The following CITED2 variants were observed in gnomAD, a reference collection of about 807,000 sequenced individuals.
CITED2 encodes the protein cbp/p300-interacting transactivator 2.
Under a neutral mutation model 11.8 loss-of-function variants are expected in CITED2, and 2 were observed. That is an observed-to-expected ratio of 0.17 (90% CI 0.07 to 0.54). The LOEUF (loss-of-function observed/expected upper bound fraction) is 0.54. Among genes scored for constraint, CITED2 ranks in the 20% least tolerant of loss-of-function variants. CITED2 has a pLI of 0.94. For synonymous variants in CITED2, 210 were observed against 153.0 expected, an observed-to-expected ratio of 1.37 and a Z score of -2.75; for missense variants, 437 against 390.2, an observed-to-expected ratio of 1.12 and a Z score of -1.01.
chr6:139,373,975 A>C, intron 1 of CITED2, 23 bp from the exon 2 acceptor site: 1 of 1,583,168 alleles, frequency 6.3e-7, no homozygotes, highest in South Asian at 1.1e-5. Flanking sequence ...AGGGCAGATA[A>C]TGAGACCCGC....
rs998424430 is a variant in CITED2, at chr6:139,372,875, C to A, written c.*257G>T. On this transcript the variant is annotated 3_prime_UTR_variant, in exon 2 of 2. Transcript: ENST00000367651. ...AGTAAAAACAAACAACGAAAAAGAC[C>A]AAGTTAGCTAGATATTTCAACTACA... is the stretch of plus-strand genomic sequence containing the variant. 141 of 527,486 alleles carry A rather than the reference C, an allele frequency of 2.7e-4. 1 individual carries two copies. The highest frequency in any genetic ancestry group is 4.2e-4 in the Non-Finnish European group (122 of 292,870). The allele number at this position is 527,486 out of a possible 1,614,324, so 32.7% of individuals were successfully genotyped here.
chr6:139,374,381 G>A (rs1010573584), intron 1 of CITED2, 32 bp downstream of exon 1: 3 of 498,374 alleles, frequency 6.0e-6, no homozygotes, highest in Admixed American at 3.6e-5. Flanking sequence ...GGGCTGGCAA[G>A]AGCCCCAGCC....
intron 1 of CITED2, chr6:139,374,208 C>T (rs768863177): frequency 7.0e-7 from 1 of 1,434,198 alleles, no homozygotes; most frequent in Non-Finnish European, 9.1e-7. Flanking sequence ...GCCCACACCC[C>T]CTTTGCTCCC....
chr6:139,372,749 T>A lies in CITED2; in HGVS notation c.*383A>T, dbSNP rs369754940. 4.0e-6 allele frequency: 1 copy of A among 252,710 alleles called. No homozygotes were observed. The highest frequency in any genetic ancestry group is 2.2e-5 in the African/African-American group (1 of 45,456). The allele number at this position is 252,710 out of a possible 1,614,324, so 15.7% of individuals were successfully genotyped here. A position where few individuals can be genotyped will look rare whatever the true frequency, so the allele number is the denominator to read the frequency against. The stretch of plus-strand genomic sequence containing the variant: ...TTTTCCTTTCACTCGTAAATCTGAA[T>A]GCAGTTCAGTCATTTGAAACCATCT... On this transcript the variant is annotated 3_prime_UTR_variant, in exon 2 of 2. Coordinates refer to ENST00000367651, the MANE Select transcript of CITED2 (RefSeq NM_006079.5).
Position 139,373,993 on chromosome 6 carries a change from G to GT in CITED2, c.-8-42dup, listed in dbSNP as rs1458882625. The GT allele has an allele frequency of 2.6e-6, 4 of 1,565,698 alleles. No individual in the cohort carries two copies. The African/African-American group carries it at 5.4e-5, about 21-fold the overall frequency. On this transcript the variant is annotated intron_variant, in intron 1 of 1. Coordinates refer to ENST00000367651, the MANE Select transcript of CITED2 (RefSeq NM_006079.5). Reference sequence around the variant, plus strand: ...GCAGATAATGAGACCCGCGCCACACGTGTCGCCCACCACAGCGCACCCCAC... The same window carrying GT: ...GCAGATAATGAGACCCGCGCCACACGTTGTCGCCCACCACAGCGCACCCCAC...
At position 139,373,437 on chromosome 6, in the gene CITED2, A is replaced by G. The variant is rs1739321770; in HGVS notation, c.508T>C (p.Ser170Pro). The change falls in exon 2 of 2, where the codon TCG becomes CCG. Residue 170 changes from serine to proline, a missense_variant. Physicochemically the swap from Ser to Pro is moderately conservative, Grantham distance 74. Coordinates refer to ENST00000367651, the MANE Select transcript of CITED2 (RefSeq NM_006079.5). ...HSGGSSTPGG[S>P]GGSSTPGGSG... Reference sequence around the variant, plus strand: ...CCGCCGGGGGTGCTGCTGCCGCCCGAGCCGCCGGGGGTGCTGCTGCCGCCG... The same window carrying G: ...CCGCCGGGGGTGCTGCTGCCGCCCGGGCCGCCGGGGGTGCTGCTGCCGCCG... The G allele has an allele frequency of 2.0e-6, 3 of 1,518,498 alleles. No individual in the cohort carries two copies. Among genetic ancestry groups the G allele is most frequent in the Non-Finnish European group, 2.6e-6 (3 of 1,137,442 alleles). The allele number at this position is 1,518,498 out of a possible 1,614,324, so 94.1% of individuals were successfully genotyped here.
At chr6:139,374,352 AC>A (rs1778333558) in intron 1 of CITED2, 60 bp downstream of exon 1, 1 of 573,884 alleles carries the variant, frequency 1.7e-6, no homozygotes, top group Admixed American at 3.5e-5. Context: ...CTCCGGGCAA[AC>A]CCTGCCCTCG....
chr6:139,373,799 T>C lies in CITED2; in HGVS notation c.146A>G (p.Asn49Ser), dbSNP rs576999385. 7.5e-6 allele frequency: 12 copies of C among 1,609,814 alleles called. 1 individual carries two copies. In the Admixed American group the frequency reaches 1.3e-4, roughly 18 times the overall value. The change falls in exon 2 of 2, where the codon AAC (asparagine) becomes AGC (serine). Residue 49 changes from asparagine to serine, a missense_variant. Around this residue, in one of 3 missense-constraint regions of CITED2, gnomAD observed 396 missense variants for 325.2 expected, o/e 1.22. Transcript: ENST00000367651. The stretch of plus-strand genomic sequence containing the variant: ...GTGTATGTGCTCGCCCATTAGGGCG[T>C]TGAAGGCGTGCTGGGGCTGCTGCTG... ...HQQQQPQHAF[N>S]ALMGEHIHYG...
Position 139,372,219 on chromosome 6 carries a change from G to A in CITED2, c.*913C>T, listed in dbSNP as rs1439490197. ...AGACGGGGGGAAAAAAGCCACCAAAGGGAACAACCACCCCCAAATGACTTC... is the reference window on the plus strand; with the variant it reads ...AGACGGGGGGAAAAAAGCCACCAAAAGGAACAACCACCCCCAAATGACTTC... On this transcript the variant is annotated 3_prime_UTR_variant, in exon 2 of 2. Transcript: ENST00000367651. 1.3e-5 allele frequency: 2 copies of A among 152,336 alleles called. No homozygotes were observed. The highest frequency in any genetic ancestry group is 2.4e-5 in the African/African-American group (1 of 41,392). 9.4% of individuals were successfully genotyped at this position (152,336 alleles called of 1,614,324 possible).
rs1778246696 is a variant in CITED2 at position 139,371,840 on chromosome 6, A to G, written c.*1292T>C. On this transcript the variant is annotated 3_prime_UTR_variant, in exon 2 of 2. Coordinates refer to ENST00000367651, the MANE Select transcript of CITED2 (RefSeq NM_006079.5). ...GATTTATATTTAATGCCACCCATCA[A>G]TCAATCAGTGTATTATTCCAATCTA... 6.6e-6 allele frequency: 1 copy of G among 152,214 alleles called. No individual in the cohort carries two copies. The allele number at this position is 152,214 out of a possible 1,614,324, so 9.4% of individuals were successfully genotyped here.
At position 139,374,495 on chromosome 6, in the gene CITED2, C is replaced by T. The variant is rs41289825; in HGVS notation, c.-91G>A. The T allele has an allele frequency of 7.0e-3, 1,815 of 260,926 alleles. 11 individuals carry two copies. Among genetic ancestry groups the T allele is most frequent in the Non-Finnish European group, 0.011 (1,437 of 136,734 alleles). The allele number at this position is 260,926 out of a possible 1,614,324, so 16.2% of individuals were successfully genotyped here. ...CCGGCTCAGCAGCACATAGAGGGGA[C>T]CTTCCTGGCGTGCAAAGCGCTTCGC... is the stretch of plus-strand genomic sequence containing the variant. On this transcript the variant is annotated 5_prime_UTR_variant, in exon 1 of 2. Coordinates refer to ENST00000367651, the MANE Select transcript of CITED2 (RefSeq NM_006079.5).
In CITED2 at chr6:139,373,955, G is replaced by A. The variant is rs530905916; in HGVS notation, c.-8-3C>T. On this transcript the variant is annotated splice_polypyrimidine_tract_variant and splice_region_variant and intron_variant, in intron 1 of 1. Coordinates refer to ENST00000367651, the MANE Select transcript of CITED2 (RefSeq NM_006079.5). ...CATATGGTCTGCCATTTCCAGTCCTGGAAGTGAAAAGGGCAGATAATGAGA... is the reference window on the plus strand; with the variant it reads ...CATATGGTCTGCCATTTCCAGTCCTAGAAGTGAAAAGGGCAGATAATGAGA... The A allele has an allele frequency of 1.0e-5, 16 of 1,597,010 alleles. No individual in the cohort carries two copies. In the East Asian group the frequency reaches 1.6e-4, roughly 16 times the overall value.
At position 139,373,094 on chromosome 6, in the gene CITED2, T is replaced by G. The variant is rs781350523; in HGVS notation, c.*38A>C. On this transcript the variant is annotated 3_prime_UTR_variant, in exon 2 of 2. Coordinates refer to ENST00000367651, the MANE Select transcript of CITED2 (RefSeq NM_006079.5). ...TTTCTTTTAATTCACGCCGAAGAAG[T>G]TGGGGGTTTGATTTCTTTCGCCGGG... The G allele has an allele frequency of 3.1e-5, 48 of 1,565,120 alleles. No homozygotes were observed. Among genetic ancestry groups the G allele is most frequent in the Non-Finnish European group, 4.0e-5 (45 of 1,135,708 alleles).
rs1410711816 is a variant in CITED2 at position 139,374,074 on chromosome 6, A to C, written c.-8-122T>G. On this transcript the variant is annotated intron_variant, in intron 1 of 1. Transcript: ENST00000367651. ...GGGCGCACGTCGGCTGCGAACCACC[A>C]CCCCCAAGATCCCACTAACAGCCTG... is the stretch of plus-strand genomic sequence containing the variant. 1,426 of 1,521,460 alleles carry C rather than the reference A, an allele frequency of 9.4e-4. 19 individuals carry two copies. The South Asian group carries it at 0.016, about 17-fold the overall frequency. The allele number at this position is 1,521,460 out of a possible 1,614,324, so 94.2% of individuals were successfully genotyped here. A position where few individuals can be genotyped will look rare whatever the true frequency, so the allele number is the denominator to read the frequency against.
In CITED2 at chr6:139,372,069, TAAC is replaced by T. The variant is rs1043109813; in HGVS notation, c.*1060_*1062del. The T allele has an allele frequency of 1.3e-5, 2 of 151,968 alleles. No individual in the cohort carries two copies. Among genetic ancestry groups the T allele is most frequent in the African/African-American group, 4.8e-5 (2 of 41,386 alleles). 9.4% of individuals were successfully genotyped at this position (151,968 alleles called of 1,614,324 possible). On this transcript the variant is annotated 3_prime_UTR_variant, in exon 2 of 2. Transcript: ENST00000367651. The stretch of plus-strand genomic sequence containing the variant: ...CACACCAAGAGGCATGTTACAATGA[TAAC>T]AATGAAGCATTATGCCAATTATGTT...
In CITED2 at chr6:139,372,425, T is replaced by G. The variant is rs1287135347; in HGVS notation, c.*707A>C. On this transcript the variant is annotated 3_prime_UTR_variant, in exon 2 of 2. Transcript: ENST00000367651. ...ATAACTATTAGCACAGTGTCAAAAA[T>G]GTTGAAGACAGAAACAAAATAAAAA... is the stretch of plus-strand genomic sequence containing the variant. 2.1e-5 allele frequency: 3 copies of G among 141,892 alleles called. No homozygotes were observed. In the South Asian group the frequency reaches 6.2e-4, roughly 29 times the overall value. 8.8% of individuals were successfully genotyped at this position (141,892 alleles called of 1,614,324 possible).
rs534681734 is a variant in CITED2, at chr6:139,373,721, G to T, written c.224C>A (p.Pro75Gln). Residue 75 changes from proline (P) to glutamine (Q), a missense_variant, in exon 2 of 2, where the codon CCG becomes CAG. Pro to Gln is a moderately conservative substitution (Grantham distance 76). Around this residue, in one of 3 missense-constraint regions of CITED2, gnomAD observed 396 missense variants for 325.2 expected, o/e 1.22. Transcript: ENST00000367651. Reference protein sequence around the residue: ...ATSGIRHAMGPGTVNGGHPPS... With the variant: ...ATSGIRHAMGQGTVNGGHPPS... ...GGGGTGCCCTCCGTTCACAGTCCCC[G>T]GCCCCATCGCATGCCTGATGCCGCT... 1 of 1,610,922 alleles carries T rather than the reference G, an allele frequency of 6.2e-7. No homozygotes were observed. The highest frequency in any genetic ancestry group is 1.3e-5 in the African/African-American group (1 of 74,992).
In CITED2 at chr6:139,373,012, T is replaced by G. The variant is rs1329648510; in HGVS notation, c.*120A>C. ...GTACAAGTTTATAGTTTACTTTGTTTCCAAGTTCTCAAACCTTTCAAGATC... is the reference window on the plus strand; with the variant it reads ...GTACAAGTTTATAGTTTACTTTGTTGCCAAGTTCTCAAACCTTTCAAGATC... On this transcript the variant is annotated 3_prime_UTR_variant, in exon 2 of 2. Coordinates refer to ENST00000367651, the MANE Select transcript of CITED2 (RefSeq NM_006079.5). 2 of 1,057,342 alleles carry G rather than the reference T, an allele frequency of 1.9e-6. No homozygotes were observed. Among genetic ancestry groups the G allele is most frequent in the African/African-American group, 3.1e-5 (2 of 64,030 alleles). The allele number at this position is 1,057,342 out of a possible 1,614,324, so 65.5% of individuals were successfully genotyped here.
chr6:139,373,069 TTTC>T lies in CITED2; in HGVS notation c.*60_*62del, dbSNP rs1778284017. The T allele has an allele frequency of 6.2e-6, 9 of 1,457,110 alleles. No homozygotes were observed. Among genetic ancestry groups the T allele is most frequent in the Non-Finnish European group, 8.7e-6 (9 of 1,037,918 alleles). The allele number at this position is 1,457,110 out of a possible 1,614,324, so 90.3% of individuals were successfully genotyped here. On this transcript the variant is annotated 3_prime_UTR_variant, in exon 2 of 2. Transcript: ENST00000367651. Reference sequence around the variant, plus strand: ...GTGAGATACTGTGTCTAAGGGAATGTTTCTTTTAATTCACGCCGAAGAAGTTGG... The same window carrying T: ...GTGAGATACTGTGTCTAAGGGAATGTTTTTAATTCACGCCGAAGAAGTTGG...
Sources: allele counts gnomAD v4.1 joint callset, GRCh38; gene constraint gnomAD v4.1.1; regional missense constraint gnomAD v4.1.1; transcripts MANE v1.5; gene names NCBI Gene and HGNC (gene_info 2026-07-23, HGNC 2026-07-21).